The following PRMT8 variants were observed in gnomAD, a reference collection of about 807,000 sequenced individuals.
PRMT8 encodes protein arginine methyltransferase 8.
A neutral mutation model predicts 47.1 loss-of-function variants in PRMT8; 7 were observed. That is an observed-to-expected ratio of 0.15 (90% CI 0.08 to 0.28). The LOEUF (loss-of-function observed/expected upper bound fraction) is 0.28. Ranked by LOEUF, PRMT8 falls within the 10% of genes least tolerant of loss-of-function variation. PRMT8 has a pLI of 1.00. For missense variants in PRMT8, 237 were observed against 505.4 expected, an observed-to-expected ratio of 0.47 and a Z score of 5.09; for synonymous variants, 188 against 186.5, an observed-to-expected ratio of 1.01 and a Z score of -0.07.
intron 1 of PRMT8, among the ~76,000 whole-genome samples, chr12:3,399,705 A>G (rs1352376313): frequency 6.6e-6 from 1 of 152,242 alleles, no homozygotes; most frequent in Non-Finnish European, 1.5e-5. Context: ...GAGGGCCCTC[A>G]ATGACGTAGG....
At chr12:3,427,124 A>G (rs1022349834) in intron 1 of PRMT8, among the ~76,000 whole-genome samples, 3 of 152,192 alleles carry the variant, frequency 2.0e-5, no homozygotes, top group African/African-American at 7.2e-5. Flanking sequence ...TAGACCAAAG[A>G]AAGCCAAACA....
In PRMT8 at chr12:3,558,464, T is replaced by C. The variant is rs528317637; in HGVS notation, c.481+4750T>C. ...CCATCAAAGTCAGGAAATTAAAACG[T>C]CATCATTACCTAATGCCCAGATCCT... On this transcript the variant is annotated intron_variant, in intron 4 of 9. Coordinates refer to ENST00000382622, the MANE Select transcript of PRMT8 (RefSeq NM_019854.5). 1.4e-4 allele frequency among the ~76,000 whole-genome samples: 21 copies of C among 152,328 alleles called. No homozygotes were observed. The South Asian group carries it at 3.3e-3, about 24-fold the overall frequency.
chr12:3,398,860 T>A (rs544590084), intron 1 of PRMT8, among the ~76,000 whole-genome samples: 1 of 152,280 alleles, frequency 6.6e-6, no homozygotes, highest in Non-Finnish European at 1.5e-5. Context: ...ATCTGATAGA[T>A]CTGGCAATGA....
chr12:3,542,471 G>A (rs577305832), intron 2 of PRMT8, among the ~76,000 whole-genome samples: 8 of 152,336 alleles, frequency 5.3e-5, no homozygotes, highest in Admixed American at 2.0e-4. Flanking sequence ...GAGACTCTGC[G>A]AAGGCCCCTT....
chr12:3,434,582 A>G (rs1219710930), intron 1 of PRMT8, among the ~76,000 whole-genome samples: 1 of 152,116 alleles, frequency 6.6e-6, no homozygotes, highest in African/African-American at 2.4e-5. Flanking sequence ...TCCCTCTCAC[A>G]ATGGGACATG....
rs1455683911 is a variant in PRMT8, at chr12:3,493,345, A to G, written c.75+1645A>G. ...GCCCTCTGATCGCCCACCCGCCGAA[A>G]GGGTTTCTAAAAATAGCCCAGGGCT... On this transcript the variant is annotated intron_variant, in intron 1 of 9. Coordinates refer to ENST00000382622, the MANE Select transcript of PRMT8 (RefSeq NM_019854.5). This position sits in a 1 kb window ranked among gnomAD's most constrained non-coding sequence, Gnocchi z 8.2. Among the ~76,000 whole-genome samples the G allele has an allele frequency of 6.6e-6, 1 of 152,168 alleles. No individual in the cohort carries two copies. The highest frequency in any genetic ancestry group is 2.1e-4 in the South Asian group (1 of 4,828).
intron 2 of PRMT8, among the ~76,000 whole-genome samples, chr12:3,541,086 C>A (rs2137165415): frequency 6.6e-6 from 1 of 152,346 alleles, no homozygotes. Flanking sequence ...CTCTCCCCAG[C>A]CATAAACCCA....
Position 3,550,411 on chromosome 12 carries a change from G to C in PRMT8, c.417+320G>C. On this transcript the variant is annotated intron_variant, in intron 3 of 9. Transcript: ENST00000382622. The surrounding 1 kb of genome is among the most constrained non-coding windows in gnomAD (Gnocchi z 5.1). ...AGAGGCAGTGCAGGTGGTTACTCGG[G>C]GGAGCTCTGGTTTGAATCTCTGCAT... is the stretch of plus-strand genomic sequence containing the variant. 3.5e-6 allele frequency: 1 copy of C among 288,612 alleles called. No individual in the cohort carries two copies. The highest frequency in any genetic ancestry group is 7.1e-5 in the South Asian group (1 of 13,992). 17.9% of individuals were successfully genotyped at this position (288,612 alleles called of 1,614,324 possible). A position where few individuals can be genotyped will look rare whatever the true frequency, so the allele number is the denominator to read the frequency against.
Position 3,557,113 on chromosome 12 carries a change from G to A in PRMT8, c.481+3399G>A, listed in dbSNP as rs1002996286. ...TGAGTCCTGGAATGAGAGGGAAGGA[G>A]GGAGGGCAGCAGATAGGCTGGGGGA... On this transcript the variant is annotated intron_variant, in intron 4 of 9. Transcript: ENST00000382622. The surrounding 1 kb of genome is among the most constrained non-coding windows in gnomAD (Gnocchi z 4.7). 6.6e-6 allele frequency among the ~76,000 whole-genome samples: 1 copy of A among 152,160 alleles called. No individual in the cohort carries two copies. The highest frequency in any genetic ancestry group is 2.1e-4 in the South Asian group (1 of 4,830).
intron 8 of PRMT8, among the ~76,000 whole-genome samples, chr12:3,591,994 T>G (rs549980872): frequency 6.6e-6 from 1 of 152,004 alleles, no homozygotes; most frequent in Non-Finnish European, 1.5e-5. Context: ...TCCCCAGCAC[T>G]GAGGAGATGG....
intron 4 of PRMT8, among the ~76,000 whole-genome samples, chr12:3,568,057 A>T (rs1399839644): frequency 6.7e-6 from 1 of 148,930 alleles, no homozygotes; most frequent in African/African-American, 2.5e-5. Flanking sequence ...GGGCAACAAG[A>T]GTGAAACTCC....
At chr12:3,452,100 T>C (rs917515238) in intron 1 of PRMT8, among the ~76,000 whole-genome samples, 1 of 152,084 alleles carries the variant, frequency 6.6e-6, no homozygotes, top group African/African-American at 2.4e-5. Flanking sequence ...ACCCTCTTAG[T>C]TGCTTTCAAA....
intron 1 of PRMT8, among the ~76,000 whole-genome samples, chr12:3,481,454 G>A (rs1347258214): frequency 6.6e-6 from 1 of 152,184 alleles, no homozygotes; most frequent in Non-Finnish European, 1.5e-5. Context: ...GAAACTGAAA[G>A]GGCGCTTCTC....
At chr12:3,446,585 G>A (rs1027774377) in intron 1 of PRMT8, among the ~76,000 whole-genome samples, 8 of 152,136 alleles carry the variant, frequency 5.3e-5, no homozygotes, top group African/African-American at 1.7e-4. Flanking sequence ...CTTTCCATCA[G>A]ACTTCTATTG....
intron 2 of PRMT8, among the ~76,000 whole-genome samples, chr12:3,543,570 G>A (rs891900963): frequency 1.3e-5 from 2 of 152,320 alleles, no homozygotes; most frequent in East Asian, 1.9e-4. Context: ...AGTGAGTGTT[G>A]AGGAAACGTG....
chr12:3,496,214 A>ATATATATATATATATATATTTTTTTTT, intron 1 of PRMT8, among the ~76,000 whole-genome samples: 1 of 27,770 alleles, frequency 3.6e-5, no homozygotes, highest in African/African-American at 8.8e-5. Context: ...ATATATATAT[A>ATATATATATATATATATATTTTTTTTT]TTTTTTTTTT....
In PRMT8 at chr12:3,480,790, C is replaced by T. The variant is rs149125012; in HGVS notation, c.49-59816C>T. On this transcript the variant is annotated intron_variant, in intron 1 of 9. Coordinates refer to the PRMT8 transcript ENST00000452611. Reference sequence around the variant, plus strand: ...GTGAACTTCCACCCCCAAAATCATGCTCACACCAGCCTGTAACTGGTGCTT... The same window carrying T: ...GTGAACTTCCACCCCCAAAATCATGTTCACACCAGCCTGTAACTGGTGCTT... Among the ~76,000 whole-genome samples, 332 of 152,348 alleles carry T rather than the reference C, an allele frequency of 2.2e-3. 2 individuals are homozygous for T. Among genetic ancestry groups the T allele is most frequent in the African/African-American group, 7.6e-3 (314 of 41,588 alleles).
intron 2 of PRMT8, among the ~76,000 whole-genome samples, chr12:3,542,668 A>C (rs913854396): frequency 6.6e-6 from 1 of 152,066 alleles, no homozygotes; most frequent in Non-Finnish European, 1.5e-5. Context: ...CATGAGGTGC[A>C]CCTCAAGCTG....
intron 1 of PRMT8, among the ~76,000 whole-genome samples, chr12:3,457,557 C>T (rs1221865713): frequency 1.3e-5 from 2 of 152,166 alleles, no homozygotes; most frequent in South Asian, 2.1e-4. Flanking sequence ...AATCCTCCCA[C>T]CTCAGCCTCG....
Sources: allele counts gnomAD v4.1 joint callset (sites outside exome capture counted in the v4.1 genomes callset), GRCh38; gene constraint gnomAD v4.1.1; non-coding constraint Gnocchi (gnomAD v3.1); transcripts MANE v1.5; gene names NCBI Gene and HGNC (gene_info 2026-07-23, HGNC 2026-07-21).